FRMPD4: variants seen among roughly 807,000 people sequenced by gnomAD.
The protein encoded by FRMPD4 is FERM and PDZ domain-containing protein 4.
In FRMPD4, 22 loss-of-function variants were observed where a neutral mutation model predicts 94.1. The observed-to-expected ratio is 0.23, with a 90% CI of 0.17 to 0.33. The LOEUF (loss-of-function observed/expected upper bound fraction) is 0.33. Among genes scored for constraint, FRMPD4 ranks in the 10% least tolerant of loss-of-function variants. FRMPD4 has a pLI of 1.00. For missense variants in FRMPD4, 1,111 were observed against 1,339.9 expected (o/e 0.83, Z 2.67); for synonymous variants, 631 against 548.6 (o/e 1.15, Z -2.10).
intron 14 of FRMPD4, 106 bp from the exon 15 acceptor site, chrX:12,715,963 A>G: frequency 2.2e-6 from 1 of 457,995 alleles, no homozygotes; most frequent in South Asian, 4.6e-5. Flanking sequence ...TACATAAGTG[A>G]TGCTACAAGC....
chrX:12,148,226 A>G (rs1186060184), intron 1 of FRMPD4, among the ~76,000 whole-genome samples: 1 of 112,347 alleles, frequency 8.9e-6, no homozygotes, highest in South Asian at 3.7e-4. Context: ...CAGTTCGCCA[A>G]ACTGTGACTA....
At chrX:12,170,146 G>C (rs1828900775) in intron 1 of FRMPD4, among the ~76,000 whole-genome samples, 1 of 107,500 alleles carries the variant, frequency 9.3e-6, no homozygotes, top group Admixed American at 1.0e-4. Context: ...TGCTTGCTTT[G>C]ATTTAGACAC....
At chrX:12,477,471 G>T (rs1383599758) in intron 1 of FRMPD4, among the ~76,000 whole-genome samples, 7 of 112,339 alleles carry the variant, frequency 6.2e-5, no homozygotes, top group Non-Finnish European at 1.3e-4. Context: ...AATAAAAAAA[G>T]AAAGTACAGC....
chrX:12,054,132 C>G (rs923835816), intron 3 of FRMPD4, among the ~76,000 whole-genome samples: 15 of 111,564 alleles, frequency 1.3e-4, no homozygotes, highest in African/African-American at 4.9e-4. Context: ...GGTTTTATGA[C>G]CTGCTCCAGA....
chrX:12,276,989 C>T (rs1322749811), intron 1 of FRMPD4, among the ~76,000 whole-genome samples: 2 of 105,120 alleles, frequency 1.9e-5, no homozygotes, highest in African/African-American at 3.5e-5. Context: ...GGCGTAGTGG[C>T]GGGCGCCTGT....
chrX:12,602,170 G>C (rs1426110091), intron 2 of FRMPD4, among the ~76,000 whole-genome samples: 1 of 111,716 alleles, frequency 9.0e-6, no homozygotes, highest in Non-Finnish European at 1.9e-5. Flanking sequence ...AATGCCTCGT[G>C]ACCTCTCTCC....
At chrX:11,948,539 A>G (rs2054202980) in intron 3 of FRMPD4, among the ~76,000 whole-genome samples, 1 of 111,480 alleles carries the variant, frequency 9.0e-6, no homozygotes, top group Admixed American at 9.6e-5. Context: ...GCCCAAGATA[A>G]CTGAGACATA....
At chrX:12,002,536 A>G (rs1032670095) in intron 3 of FRMPD4, among the ~76,000 whole-genome samples, 3 of 112,353 alleles carry the variant, frequency 2.7e-5, no homozygotes, top group African/African-American at 9.7e-5. Flanking sequence ...CTTATGCCCA[A>G]TTTTTAAACC....
chrX:12,196,844 C>T (rs1476500), intron 1 of FRMPD4, among the ~76,000 whole-genome samples: 24,317 of 108,761 alleles, frequency 0.22, 2,422 homozygotes, highest in East Asian at 0.63. Flanking sequence ...CATTTGACTG[C>T]GTGTTTCTTT....
chrX:11,895,536 A>G (rs939220558), intron 3 of FRMPD4, among the ~76,000 whole-genome samples: 2 of 111,886 alleles, frequency 1.8e-5, no homozygotes, highest in Non-Finnish European at 3.8e-5. Context: ...CCAATATAAC[A>G]TGCATTACCT....
intron 3 of FRMPD4, among the ~76,000 whole-genome samples, chrX:12,051,963 G>A (rs2054821107): frequency 1.8e-5 from 2 of 111,696 alleles, no homozygotes; most frequent in African/African-American, 6.5e-5. Flanking sequence ...CTTGGTCAGT[G>A]GAGGTACTTT....
chrX:12,374,342 G>A (rs181763169), intron 1 of FRMPD4, among the ~76,000 whole-genome samples: 2 of 111,587 alleles, frequency 1.8e-5, no homozygotes, highest in Non-Finnish European at 3.8e-5. Flanking sequence ...ATTAGAAAGC[G>A]TAACTTAAAA....
chrX:12,146,868 G>A (rs2055776309), intron 1 of FRMPD4, among the ~76,000 whole-genome samples: 1 of 112,272 alleles, frequency 8.9e-6, no homozygotes, highest in Non-Finnish European at 1.9e-5. Flanking sequence ...CTGTAAGATA[G>A]GACTATCTCA....
rs2041995498 is a variant in FRMPD4, at chrX:12,711,966, T to C, written c.1609+1429T>C. Reference sequence around the variant, plus strand: ...CAGGTGAATGGAAGCAGCTCAGTCATAGAAAAAGGGAAGCTAGAAACAAGG... The same window carrying C: ...CAGGTGAATGGAAGCAGCTCAGTCACAGAAAAAGGGAAGCTAGAAACAAGG... On this transcript the variant is annotated intron_variant, in intron 14 of 16. Transcript: ENST00000675598. Among the ~76,000 whole-genome samples, 3 of 111,173 alleles carry C rather than the reference T, an allele frequency of 2.7e-5. No individual in the cohort carries two copies. The South Asian group carries it at 1.2e-3, about 43-fold the overall frequency.
intron 1 of FRMPD4, among the ~76,000 whole-genome samples, chrX:12,255,597 A>G (rs1601745856): frequency 8.9e-6 from 1 of 112,357 alleles, no homozygotes; most frequent in Non-Finnish European, 1.9e-5. Flanking sequence ...TCAAACATTC[A>G]ACAAATACAA....
At chrX:12,371,015 A>G (rs1223466552) in intron 1 of FRMPD4, among the ~76,000 whole-genome samples, 3 of 111,922 alleles carry the variant, frequency 2.7e-5, no homozygotes, top group Non-Finnish European at 1.9e-5. Flanking sequence ...GCTTCCTGTT[A>G]TTGGATAGGG....
chrX:12,284,981 T>C (rs2054580138), intron 1 of FRMPD4, among the ~76,000 whole-genome samples: 1 of 112,175 alleles, frequency 8.9e-6, no homozygotes, highest in Non-Finnish European at 1.9e-5. Flanking sequence ...TTGAGGAACA[T>C]ACTTGGCATA....
rs906554751 is a variant in FRMPD4 at position 12,208,310 on chromosome X, A to G, written c.41+69298A>G. 1.0e-3 allele frequency among the ~76,000 whole-genome samples: 114 copies of G among 111,305 alleles called. 2 individuals are homozygous for G. The highest frequency in any genetic ancestry group is 4.0e-4 in the Non-Finnish European group (21 of 53,029). On this transcript the variant is annotated intron_variant, in intron 1 of 16. Transcript: ENST00000675598. ...AGACCTTGTCTCCATAAAAAAGGAA[A>G]AAAAAAAGTCAATAGCTGAAGACCA... is the stretch of plus-strand genomic sequence containing the variant.
At chrX:12,403,055 G>A (rs1202794566) in intron 1 of FRMPD4, among the ~76,000 whole-genome samples, 1 of 111,560 alleles carries the variant, frequency 9.0e-6, no homozygotes, top group Non-Finnish European at 1.9e-5. Flanking sequence ...ACTGCTCTTT[G>A]GGCTTCAGTG....
Sources: allele counts gnomAD v4.1 joint callset (sites outside exome capture counted in the v4.1 genomes callset), GRCh38; gene constraint gnomAD v4.1.1; transcripts MANE v1.5; gene names NCBI Gene and HGNC (gene_info 2026-07-23, HGNC 2026-07-21).